Variants in SCD5 observed in about 807,000 individuals in gnomAD.
The protein encoded by SCD5 is stearoyl-CoA desaturase 5.
Under a neutral mutation model 30.4 loss-of-function variants are expected in SCD5, and 20 were observed. The observed-to-expected ratio is 0.66, with a 90% CI of 0.46 to 0.96. The LOEUF (loss-of-function observed/expected upper bound fraction) is 0.96. Among genes scored for constraint, SCD5 ranks in the 40% least tolerant of loss-of-function variants. The probability of loss-of-function intolerance (pLI) is 0.00; values close to 1 mark genes in which losing one functional copy is unlikely to be tolerated. For synonymous variants in SCD5, 173 were observed against 176.4 expected, an observed-to-expected ratio of 0.98 and a Z score of 0.16; for missense variants, 381 against 443.3, an observed-to-expected ratio of 0.86 and a Z score of 1.26.
intron 3 of SCD5, among the ~76,000 whole-genome samples, chr4:82,640,176 C>T (rs866617341): frequency 7.9e-5 from 12 of 152,174 alleles, no homozygotes; most frequent in African/African-American, 2.4e-4. Flanking sequence ...TCCACTCAGA[C>T]CCTGCTCCTG....
intron 1 of SCD5, among the ~76,000 whole-genome samples, chr4:82,779,824 G>A (rs959414482): frequency 6.6e-6 from 1 of 152,144 alleles, no homozygotes; most frequent in Non-Finnish European, 1.5e-5. Flanking sequence ...TCAGATTTTT[G>A]TATAGTGCAT....
chr4:82,760,833 T>G (rs1245344137), intron 1 of SCD5, among the ~76,000 whole-genome samples: 1 of 152,210 alleles, frequency 6.6e-6, no homozygotes, highest in Non-Finnish European at 1.5e-5. Context: ...TTCATCCCCC[T>G]ATCTAGACCG....
At chr4:82,737,303 G>A (rs1338292153) in intron 1 of SCD5, among the ~76,000 whole-genome samples, 1 of 152,150 alleles carries the variant, frequency 6.6e-6, no homozygotes, top group Non-Finnish European at 1.5e-5. Context: ...TGCCTCTTGT[G>A]TGAACATGTT....
intron 1 of SCD5, among the ~76,000 whole-genome samples, chr4:82,737,170 C>G (rs896033446): frequency 6.6e-6 from 1 of 152,104 alleles, no homozygotes; most frequent in African/African-American, 2.4e-5. Flanking sequence ...AAAAGCCTTG[C>G]CAGACTTTGA....
chr4:82,694,928 T>C (rs1489171274), intron 2 of SCD5, among the ~76,000 whole-genome samples: 1 of 152,162 alleles, frequency 6.6e-6, no homozygotes, highest in Non-Finnish European at 1.5e-5. Flanking sequence ...CATGTTGTTC[T>C]AGTGAATTAT....
chr4:82,631,254 A>G lies in SCD5; in HGVS notation c.*73T>C, dbSNP rs1448136728. 3 of 1,392,072 alleles carry G rather than the reference A, an allele frequency of 2.2e-6. No individual in the cohort carries two copies. The highest frequency in any genetic ancestry group is 3.0e-6 in the Non-Finnish European group (3 of 1,008,872). The allele number at this position is 1,392,072 out of a possible 1,614,324, so 86.2% of individuals were successfully genotyped here. On this transcript the variant is annotated 3_prime_UTR_variant, in exon 5 of 5. Transcript: ENST00000319540. ...TCTGCCCCCTCCCACGATCCAATGT[A>G]CAAGAGAGCTATTGTAACCAAAGCC...
At chr4:82,775,540 C>T (rs1721726569) in intron 1 of SCD5, 1 of 152,216 alleles carries the variant, frequency 6.6e-6, no homozygotes, top group Non-Finnish European at 1.5e-5. Context: ...AGAACTGCAC[C>T]TGATGCATGT....
At chr4:82,779,661 C>G (rs777401473) in intron 1 of SCD5, among the ~76,000 whole-genome samples, 15 of 152,186 alleles carry the variant, frequency 9.9e-5, no homozygotes, top group Admixed American at 3.9e-4. Context: ...CATGCAAACC[C>G]TGACGGCCCC....
intron 1 of SCD5, among the ~76,000 whole-genome samples, chr4:82,728,455 T>C (rs114989059): frequency 0.073 from 11,099 of 152,284 alleles, 437 homozygotes; most frequent in Admixed American, 0.12. Flanking sequence ...AATCCCTTAC[T>C]GCTCAGGAGT....
intron 3 of SCD5, among the ~76,000 whole-genome samples, chr4:82,669,052 C>A (rs1017789117): frequency 6.6e-6 from 1 of 152,084 alleles, no homozygotes; most frequent in Non-Finnish European, 1.5e-5. Context: ...AAAAGAGACT[C>A]CCCAAAGCCC....
chr4:82,635,438 T>C (rs1727404853), intron 4 of SCD5, among the ~76,000 whole-genome samples: 1 of 151,718 alleles, frequency 6.6e-6, no homozygotes, highest in Admixed American at 6.6e-5. Flanking sequence ...GCTAACACGG[T>C]GAAATCCCGT....
intron 1 of SCD5, among the ~76,000 whole-genome samples, chr4:82,766,176 A>G (rs1721480640): frequency 6.6e-6 from 1 of 152,116 alleles, no homozygotes; most frequent in African/African-American, 2.4e-5. Context: ...TGTTTCTTCA[A>G]ATATTTTTCC....
At chr4:82,778,126 C>T (rs1721792969) in intron 1 of SCD5, among the ~76,000 whole-genome samples, 1 of 152,052 alleles carries the variant, frequency 6.6e-6, no homozygotes, top group South Asian at 2.1e-4. Flanking sequence ...AACAGAAAAC[C>T]AAACACCACA....
At chr4:82,660,817 C>T (rs1285695863) in intron 3 of SCD5, 29 of 1,610,506 alleles carry the variant, frequency 1.8e-5, no homozygotes, top group Middle Eastern at 1.9e-4. Context: ...GTGGAGTCCC[C>T]GTCTGTTATT....
intron 3 of SCD5, among the ~76,000 whole-genome samples, chr4:82,661,673 C>T (rs1728011345): frequency 1.3e-5 from 2 of 152,158 alleles, no homozygotes; most frequent in Non-Finnish European, 2.9e-5. Flanking sequence ...CTTCAGATGC[C>T]TCTTGTTTAA....
At chr4:82,681,943 T>A (rs6815340) in intron 2 of SCD5, among the ~76,000 whole-genome samples, 121,143 of 151,462 alleles carry the variant, frequency 0.8, 48,641 homozygotes, top group Middle Eastern at 0.87. Flanking sequence ...AAGCCAGTAG[T>A]TTAAAAAAAC....
intron 1 of SCD5, among the ~76,000 whole-genome samples, chr4:82,713,661 C>T (rs1433427313): frequency 6.6e-6 from 1 of 152,230 alleles, no homozygotes; most frequent in Non-Finnish European, 1.5e-5. Context: ...CATGTATTCT[C>T]AGCTGGCATC....
chr4:82,704,418 C>T (rs1169151588), intron 2 of SCD5, among the ~76,000 whole-genome samples: 2 of 152,164 alleles, frequency 1.3e-5, no homozygotes, highest in Admixed American at 6.5e-5. Context: ...GTTGTTCTCA[C>T]TCAGATTAGG....
chr4:82,662,560 TA>T (rs1264416679), intron 3 of SCD5, among the ~76,000 whole-genome samples: 194 of 143,130 alleles, frequency 1.4e-3, no homozygotes, highest in Admixed American at 1.3e-3. Context: ...TTATAATGGT[TA>T]AAAAAAAAAA....
Sources: allele counts gnomAD v4.1 joint callset (sites outside exome capture counted in the v4.1 genomes callset), GRCh38; gene constraint gnomAD v4.1.1; transcripts MANE v1.5; gene names NCBI Gene and HGNC (gene_info 2026-07-23, HGNC 2026-07-21).